The following TAF6 variants were observed in gnomAD, a reference collection of about 807,000 sequenced individuals.
The protein encoded by TAF6 is TATA-box binding protein associated factor 6.
Under a neutral mutation model 73.5 loss-of-function variants are expected in TAF6, and 50 were observed. The observed-to-expected ratio is 0.68, with a 90% confidence interval of 0.54 to 0.86. TAF6 has a LOEUF of 0.86. TAF6 is among the 40% of genes least tolerant of loss of function. The probability of loss-of-function intolerance (pLI) is 0.00; values close to 1 mark genes in which losing one functional copy is unlikely to be tolerated. For missense variants in TAF6, 768 were observed against 899.5 expected (o/e 0.85, Z 1.87); for synonymous variants, 424 against 376.7 (o/e 1.13, Z -1.45).
chr7:100,114,149 C>A lies in TAF6; in HGVS notation c.61G>T (p.Val21Leu). The A allele has an allele frequency of 6.2e-7, 1 of 1,614,242 alleles. No individual in the cohort carries two copies. Among genetic ancestry groups the A allele is most frequent in the Admixed American group, 1.7e-5 (1 of 60,020 alleles). ...GCGATGCCCATGGATTCAGCCACCA[C>A]CTTCATGGACTCCGAGGGCAGCACA... ...NTVLPSESMKVVAESMGIAQI... is the reference protein window; with the variant it reads ...NTVLPSESMKLVAESMGIAQI... Residue 21 changes from valine (V) to leucine (L), a missense_variant, in exon 2 of 15, where the codon GTG becomes TTG. Val to Leu is a conservative substitution (Grantham distance 32). This residue lies in a region of TAF6 where 269 missense variants were observed against 268.0 expected (regional missense o/e 1.00). Coordinates refer to ENST00000453269, the MANE Select transcript of TAF6 (RefSeq NM_139315.3).
chr7:100,111,794 T>C lies in TAF6; in HGVS notation c.834A>G (p.Leu278=). 6.2e-7 allele frequency: 1 copy of C among 1,613,952 alleles called. No individual in the cohort carries two copies. Among genetic ancestry groups the C allele is most frequent in the Non-Finnish European group, 8.5e-7 (1 of 1,179,954 alleles). Residue 278 remains leucine (L), a synonymous_variant, in exon 9 of 15, where the codon CTA becomes CTG. Transcript: ENST00000453269. ...TCACCATACGCATCAGGTAGATGAGTAGGGCCAGGTTGTTCTGAACCACGT... is the reference window on the plus strand; with the variant it reads ...TCACCATACGCATCAGGTAGATGAGCAGGGCCAGGTTGTTCTGAACCACGT... The part of the protein sequence containing the change: ...RVNVVQNNLA[L]LIYLMRMVKA...
chr7:100,113,845 C>T (rs368823730), intron 3 of TAF6, 23 bp downstream of exon 3: 954 of 1,603,964 alleles, frequency 5.9e-4, no homozygotes, highest in Non-Finnish European at 7.6e-4. Context: ...CTCACCCCCC[C>T]CCCGCCTGTC....
intron 1 of TAF6, chr7:100,118,964 A>AC (rs1797912838): frequency 2.0e-6 from 2 of 985,288 alleles, no homozygotes; most frequent in Non-Finnish European, 1.2e-6. Flanking sequence ...ACCCGGCGGT[A>AC]CCCTCTGCCA....
intron 8 of TAF6, 39 bp from the exon 9 acceptor site, chr7:100,111,868 C>T (rs1797209974): frequency 6.2e-7 from 1 of 1,613,860 alleles, no homozygotes; most frequent in Admixed American, 1.7e-5. Flanking sequence ...GGCAGGGAGA[C>T]CCTCACAGGA....
In TAF6 at chr7:100,107,316, G is replaced by C; in HGVS notation, c.1964C>G (p.Pro655Arg). ...GGCTTTTGGAGTCCCTGGAGCTGGA[G>C]GGGGACTGTCCCCAGCCTCCTGCTT... ...GGKQEAGDSP[P>R]PAPGTPKANG... The change falls in exon 15 of 15, where the codon CCT (proline) becomes CGT (arginine). Residue 655 changes from proline to arginine, a missense_variant. Pro to Arg is a moderately radical substitution (Grantham distance 103, BLOSUM62 -2). Around this residue, in one of 5 missense-constraint regions of TAF6, gnomAD observed 350 missense variants for 352.3 expected, o/e 0.99. Transcript: ENST00000453269. 6.5e-7 allele frequency: 1 copy of C among 1,535,078 alleles called. No homozygotes were observed. Among genetic ancestry groups the C allele is most frequent in the Non-Finnish European group, 8.8e-7 (1 of 1,141,170 alleles).
intron 1 of TAF6, among the ~76,000 whole-genome samples, chr7:100,115,836 T>C (rs1363437484): frequency 6.6e-6 from 1 of 151,966 alleles, no homozygotes; most frequent in Non-Finnish European, 1.5e-5. Flanking sequence ...CTTGGCGTGG[T>C]GGCACGCACC....
the TAF6 span, among the ~76,000 whole-genome samples, chr7:100,125,674 G>A: frequency 6.6e-6 from 1 of 152,100 alleles, no homozygotes; most frequent in African/African-American, 2.4e-5. Flanking sequence ...AGACTGCAGG[G>A]CTGGTGGTGC....
rs982896051 is a variant in TAF6 at position 100,111,739 on chromosome 7, G to T, written c.889C>A (p.Leu297Ile). ...GCAGGATCACTCACGTATTTTTCTA[G>T]ATAGAGCGTGGGGTTGTCCATCAGC... is the stretch of plus-strand genomic sequence containing the variant. ...KALMDNPTLY[L>I]EKYVHELIPA... Residue 297 changes from leucine to isoleucine, a missense_variant, in exon 9 of 15, where the codon CTA becomes ATA. Leu to Ile is a conservative substitution (Grantham distance 5). Around this residue, in one of 5 missense-constraint regions of TAF6, gnomAD observed 78 missense variants for 153.4 expected, o/e 0.51. Coordinates refer to ENST00000453269, the MANE Select transcript of TAF6 (RefSeq NM_139315.3). 10 of 1,614,172 alleles carry T rather than the reference G, an allele frequency of 6.2e-6. No homozygotes were observed. Among genetic ancestry groups the T allele is most frequent in the Non-Finnish European group, 8.5e-6 (10 of 1,180,026 alleles).
upstream of TAF6, chr7:100,119,689 C>T: frequency 6.2e-7 from 1 of 1,613,772 alleles, no homozygotes; most frequent in Non-Finnish European, 8.5e-7. Flanking sequence ...AAGGGACCCA[C>T]ACTACCTTCC....
Position 100,107,596 on chromosome 7 carries a change from C to A in TAF6, c.1684G>T (p.Gly562Cys). 6.2e-7 allele frequency: 1 copy of A among 1,613,334 alleles called. No homozygotes were observed. The highest frequency in any genetic ancestry group is 8.5e-7 in the Non-Finnish European group (1 of 1,179,824). The change falls in exon 15 of 15, where the codon GGC becomes TGC. Residue 562 changes from glycine (G) to cysteine (C), a missense_variant. Gly to Cys is a radical substitution (Grantham distance 159). Coordinates refer to ENST00000453269, the MANE Select transcript of TAF6 (RefSeq NM_139315.3). ...GGCGAAGTGGTGGTGGAACCTGAGCCGGGGGCCGAGGTGCTGAGGGACAGG... is the reference window on the plus strand; with the variant it reads ...GGCGAAGTGGTGGTGGAACCTGAGCAGGGGGCCGAGGTGCTGAGGGACAGG... ...QVLSLSTSAPGSGSTTTSPVT... is the reference protein window; with the variant it reads ...QVLSLSTSAPCSGSTTTSPVT...
upstream of TAF6, chr7:100,120,428 C>CAGCG (rs2116882447): frequency 6.6e-6 from 1 of 152,394 alleles, no homozygotes; most frequent in East Asian, 1.9e-4. Context: ...TTTCAGCAAG[C>CAGCG]AGCGCCTTCC....
Position 100,108,106 on chromosome 7 carries a change from G to A in TAF6, c.1476C>T (p.Thr492=), listed in dbSNP as rs1285997516. 1.2e-6 allele frequency: 2 copies of A among 1,604,546 alleles called. No individual in the cohort carries two copies. Among genetic ancestry groups the A allele is most frequent in the Non-Finnish European group, 1.7e-6 (2 of 1,177,160 alleles). The part of the protein sequence containing the change: ...LTITQPRPTL[T]LSQAPQPGPR... ...GGCCAGGCTGTGGGGCCTGCGAGAG[G>A]GTCAGCGTGGGCCGGGGCTGCGGGG... Residue 492 remains threonine (T), a synonymous_variant, in exon 14 of 15, where the codon ACC becomes ACT. Transcript: ENST00000453269.
chr7:100,121,321 T>C (rs1466786500), upstream of TAF6: 1 of 150,796 alleles, frequency 6.6e-6, no homozygotes, highest in Non-Finnish European at 1.5e-5. Flanking sequence ...GTATTTTTAG[T>C]AGAGACAAGG....
At chr7:100,117,924 T>TC (rs1797804173) in intron 1 of TAF6, among the ~76,000 whole-genome samples, 1 of 151,592 alleles carries the variant, frequency 6.6e-6, no homozygotes, top group East Asian at 2.0e-4. Context: ...GCACCTATAG[T>TC]CCCTGCTACT....
At chr7:100,119,642 G>A (rs148301923), upstream of TAF6, 725 of 1,603,390 alleles carry the variant, frequency 4.5e-4, 6 homozygotes, top group South Asian at 3.4e-3. Flanking sequence ...ACCTTCCTCG[G>A]CTGGATTTAA....
intron 1 of TAF6, chr7:100,115,587 C>T (rs748747967): frequency 4.1e-5 from 6 of 147,118 alleles, no homozygotes; most frequent in African/African-American, 1.0e-4. Flanking sequence ...ACTTGAGCCT[C>T]GGCAGTAGAG....
intron 1 of TAF6, among the ~76,000 whole-genome samples, chr7:100,114,824 G>A (rs1797542672): frequency 6.6e-6 from 1 of 151,944 alleles, no homozygotes; most frequent in African/African-American, 2.4e-5. Flanking sequence ...CGACCAGCCT[G>A]GACAACACAG....
the TAF6 span, among the ~76,000 whole-genome samples, chr7:100,126,415 G>C: frequency 6.6e-6 from 1 of 152,044 alleles, no homozygotes; most frequent in African/African-American, 2.4e-5. Flanking sequence ...GAAGCAGGAG[G>C]ATCGCTAGAA....
chr7:100,111,374 A>G, intron 9 of TAF6, 53 bp from the exon 10 acceptor site: 1 of 1,583,982 alleles, frequency 6.3e-7, no homozygotes, highest in Non-Finnish European at 8.6e-7. Flanking sequence ...TCTGCTTGAG[A>G]TAAAGTCTTG....
Sources: gnomAD v4.1 joint callset for allele counts (sites outside exome capture counted in the v4.1 genomes callset) on GRCh38, gnomAD v4.1.1 for gene constraint, gnomAD v4.1.1 regional missense constraint, MANE v1.5 for transcripts, NCBI Gene and HGNC (gene_info 2026-07-23, HGNC 2026-07-21) for gene names.